Variants in ABCA1 observed in about 807,000 individuals in gnomAD.
ABCA1 encodes the protein phospholipid-transporting ATPase ABCA1.
A neutral mutation model predicts 262.5 loss-of-function variants in ABCA1; 133 were observed. The ratio of observed to expected loss-of-function variants is 0.51; its 90% confidence interval spans 0.44 to 0.59. The LOEUF (loss-of-function observed/expected upper bound fraction) is 0.59, where lower values mean the gene tolerates loss of function less well. Ranked by LOEUF, ABCA1 falls within the 20% of genes least tolerant of loss-of-function variation. The pLI is 0.00. For synonymous variants in ABCA1, 1,022 were observed against 1,043.5 expected, an observed-to-expected ratio of 0.98 and a Z score of 0.40; for missense variants, 2,452 against 2,777.5, an observed-to-expected ratio of 0.88 and a Z score of 2.63.
At position 104,817,520 on chromosome 9, in the gene ABCA1, G is replaced by T; in HGVS notation, c.3463-116C>A. On this transcript the variant is annotated intron_variant, in intron 23 of 49. Transcript: ENST00000374736. The surrounding 1 kb of genome is among the most constrained non-coding windows in gnomAD (Gnocchi z 4.7). ...TGTTGTGTGAGAACTAAAGGAAAAA[G>T]CTTTCCCTGGGACACATGCACTGGC... is the stretch of plus-strand genomic sequence containing the variant. 1.8e-6 allele frequency: 2 copies of T among 1,137,458 alleles called. No individual in the cohort carries two copies. The highest frequency in any genetic ancestry group is 2.6e-6 in the Non-Finnish European group (2 of 772,630). 70.5% of individuals were successfully genotyped at this position (1,137,458 alleles called of 1,614,324 possible).
At chr9:104,913,180 T>TA (rs1327339744) in intron 1 of ABCA1, among the ~76,000 whole-genome samples, 6 of 152,214 alleles carry the variant, frequency 3.9e-5, no homozygotes, top group Non-Finnish European at 8.8e-5. Flanking sequence ...ACCCAAATCT[T>TA]AGTCACTGTC....
chr9:104,921,324 A>G (rs1005763909), intron 1 of ABCA1, among the ~76,000 whole-genome samples: 6 of 152,194 alleles, frequency 3.9e-5, no homozygotes, highest in Admixed American at 2.6e-4. Flanking sequence ...CCCCAAGAAA[A>G]GACTTTATAG....
rs1831215378 is a variant in ABCA1, at chr9:104,810,854, T to A, written c.4121A>T (p.Tyr1374Phe). ...FSLIVPPFGK[Y>F]PSLELQPWMY... is the part of the protein sequence containing the mutation. The stretch of plus-strand genomic sequence containing the variant: ...CCAGGGCTGAAGTTCCAGGCTGGGG[T>A]ACTTGCCAAAGGGTGGCACGATCAG... The change falls in exon 29 of 50, where the codon TAC becomes TTC. Residue 1374 changes from tyrosine to phenylalanine, a missense_variant. Coordinates refer to ENST00000374736, the MANE Select transcript of ABCA1 (RefSeq NM_005502.4). 6.2e-7 allele frequency: 1 copy of A among 1,614,036 alleles called. No homozygotes were observed. The highest frequency in any genetic ancestry group is 1.3e-5 in the African/African-American group (1 of 74,926).
chr9:104,832,517 C>T (rs955005797), intron 12 of ABCA1, 57 bp downstream of exon 12: 18 of 1,580,608 alleles, frequency 1.1e-5, no homozygotes, highest in African/African-American at 4.0e-5. Flanking sequence ...CTTATTGTAA[C>T]GTCTCAGAGA....
At chr9:104,820,573 C>G (rs1323354506) in intron 20 of ABCA1, among the ~76,000 whole-genome samples, 1 of 152,208 alleles carries the variant, frequency 6.6e-6, no homozygotes, top group Non-Finnish European at 1.5e-5. Context: ...AAGGGAAAAG[C>G]CTTGCCCAAG....
Position 104,794,530 on chromosome 9 carries a change from A to AAAAC in ABCA1, c.5383-21_5383-20insGTTT. ...CAGCTTCTAAAAAAAAAAAAAAAAA[A>AAAAC]TGGGAGGGAAGGGAGGGTGAGGGAG... On this transcript the variant is annotated intron_variant, in intron 39 of 49. Coordinates refer to ENST00000374736, the MANE Select transcript of ABCA1 (RefSeq NM_005502.4). 1.3e-6 allele frequency: 2 copies of AAAAC among 1,567,702 alleles called. No homozygotes were observed. Among genetic ancestry groups the AAAAC allele is most frequent in the Non-Finnish European group, 1.7e-6 (2 of 1,149,568 alleles).
At chr9:104,923,333 G>A (rs1454745885) in intron 1 of ABCA1, among the ~76,000 whole-genome samples, 4 of 152,130 alleles carry the variant, frequency 2.6e-5, no homozygotes, top group Non-Finnish European at 4.4e-5. Context: ...AGATCACACA[G>A]CTATTCGCAA....
chr9:104,815,517 CT>C (rs767962958), intron 25 of ABCA1, among the ~76,000 whole-genome samples: 17 of 152,148 alleles, frequency 1.1e-4, no homozygotes, highest in Non-Finnish European at 2.5e-4. Flanking sequence ...CCCCAAACCC[CT>C]GATTCTGAAT....
intron 1 of ABCA1, among the ~76,000 whole-genome samples, chr9:104,916,561 T>A (rs1356106926): frequency 6.6e-6 from 1 of 152,244 alleles, no homozygotes; most frequent in Admixed American, 6.5e-5. Context: ...TCTGGTATAG[T>A]ATGAAGAAGC....
At chr9:104,870,943 G>A (rs1007354665) in intron 5 of ABCA1, among the ~76,000 whole-genome samples, 1 of 152,114 alleles carries the variant, frequency 6.6e-6, no homozygotes, top group Non-Finnish European at 1.5e-5. Context: ...TTAAGGTGGG[G>A]CAGGAACAAA....
chr9:104,824,369 G>A (rs1832637263), intron 18 of ABCA1, 96 bp downstream of exon 18: 1 of 1,577,692 alleles, frequency 6.3e-7, no homozygotes, highest in African/African-American at 1.3e-5. Flanking sequence ...TGGTTTCACA[G>A]TCTTTTAGAA....
At chr9:104,870,779 TA>T (rs1408529052) in intron 5 of ABCA1, among the ~76,000 whole-genome samples, 16 of 151,752 alleles carry the variant, frequency 1.1e-4, no homozygotes, top group Middle Eastern at 3.4e-3. Flanking sequence ...CAAAGGGAGA[TA>T]GGGGTGGGGC....
chr9:104,900,308 C>G (rs1220741217), intron 2 of ABCA1, among the ~76,000 whole-genome samples: 1 of 152,206 alleles, frequency 6.6e-6, no homozygotes, highest in East Asian at 1.9e-4. Flanking sequence ...ACATTTCCCA[C>G]TCATTCAGTA....
rs373997756 is a variant in ABCA1, at chr9:104,866,007, G to C, written c.422-4207C>G. On this transcript the variant is annotated intron_variant, in intron 5 of 49. Coordinates refer to ENST00000374736, the MANE Select transcript of ABCA1 (RefSeq NM_005502.4). The stretch of plus-strand genomic sequence containing the variant: ...CACTGGCCCAAGATGAGGTTTATCT[G>C]TAAGTGCTTCATGGCGAGCAACCAG... Among the ~76,000 whole-genome samples, 45 of 152,298 alleles carry C rather than the reference G, an allele frequency of 3.0e-4. 1 individual carries two copies. In the East Asian group the frequency reaches 4.1e-3, roughly 14 times the overall value.
chr9:104,840,519 G>C lies in ABCA1; in HGVS notation c.814C>G (p.Leu272Val), dbSNP rs776711494. 3.1e-6 allele frequency: 5 copies of C among 1,610,624 alleles called. No individual in the cohort carries two copies. In the East Asian group the frequency reaches 6.8e-5, roughly 22 times the overall value. Residue 272 changes from leucine to valine, a missense_variant and splice_region_variant, in exon 9 of 50, where the codon CTG becomes GTG. Physicochemically the swap from Leu to Val is conservative, Grantham distance 32 (BLOSUM62 1). Coordinates refer to ENST00000374736, the MANE Select transcript of ABCA1 (RefSeq NM_005502.4). ...LHSLGTLAQE[L>V]FSMRSWSDMR... ...TCACTCCAGCTTCTCATGCTGAACA[G>C]CTGGCGTCAGGGATGGGGACAGAAA...
At chr9:104,858,487 T>C in intron 7 of ABCA1, 35 bp downstream of exon 7, 5 of 1,607,246 alleles carry the variant, frequency 3.1e-6, no homozygotes, top group Non-Finnish European at 4.3e-6. Flanking sequence ...AAAGCATTAG[T>C]GCTTGAAGTT....
chr9:104,787,203 T>C (rs1029964493), intron 46 of ABCA1, among the ~76,000 whole-genome samples: 10 of 152,208 alleles, frequency 6.6e-5, no homozygotes, highest in Non-Finnish European at 1.0e-4. Context: ...CTGAGTACTT[T>C]TTTATGTAAT....
At chr9:104,866,604 C>A (rs1837114664) in intron 5 of ABCA1, among the ~76,000 whole-genome samples, 1 of 152,022 alleles carries the variant, frequency 6.6e-6, no homozygotes, top group African/African-American at 2.4e-5. Flanking sequence ...GCCTCAGCCT[C>A]CCGAGTTGTT....
rs1466911823 is a variant in ABCA1 at position 104,784,370 on chromosome 9, A to T, written c.6731T>A (p.Val2244Asp). ...CTGTAGAAAAGATGTGAGAACTGCA[A>T]CGTCCACTACTGTCTGGTTTTTGTG... The part of the protein sequence containing the change: ...SLHKNQTVVD[V>D]AVLTSFLQDE... The change falls in exon 50 of 50, where the codon GTT becomes GAT. Residue 2244 changes from valine to aspartate, a missense_variant. Val to Asp is a radical substitution (Grantham distance 152, BLOSUM62 -3). Around this residue, in one of 4 missense-constraint regions of ABCA1, gnomAD observed 752 missense variants for 944.5 expected, o/e 0.80. Transcript: ENST00000374736. 1.2e-6 allele frequency: 2 copies of T among 1,614,126 alleles called. No individual in the cohort carries two copies. The highest frequency in any genetic ancestry group is 1.7e-6 in the Non-Finnish European group (2 of 1,179,992).
Sources: gnomAD v4.1 joint callset for allele counts (sites outside exome capture counted in the v4.1 genomes callset) on GRCh38, gnomAD v4.1.1 for gene constraint, gnomAD v4.1.1 regional missense constraint, Gnocchi (gnomAD v3.1) non-coding constraint, MANE v1.5 for transcripts, NCBI Gene and HGNC (gene_info 2026-07-23, HGNC 2026-07-21) for gene names.